The following NTF4 variants were observed in gnomAD, a reference collection of about 807,000 sequenced individuals.
The protein encoded by NTF4 is neurotrophin 4, also known as neurotrophin-4.
In NTF4, 2 loss-of-function variants were observed where a neutral mutation model predicts 4.4. The ratio of observed to expected loss-of-function variants is 0.46; its 90% confidence interval spans 0.19 to 1.44. The LOEUF (loss-of-function observed/expected upper bound fraction) is 1.44, where lower values mean the gene tolerates loss of function less well. NTF4 is among the 40% of genes most tolerant of loss of function. The probability of loss-of-function intolerance (pLI) is 0.26; values close to 1 mark genes in which losing one functional copy is unlikely to be tolerated. For missense variants in NTF4, 260 were observed against 293.0 expected (o/e 0.89, Z 0.82); for synonymous variants, 127 against 122.0 (o/e 1.04, Z -0.27).
downstream of NTF4, chr19:49,060,843 C>T (rs564936971): frequency 6.9e-5 from 12 of 174,030 alleles, no homozygotes; most frequent in East Asian, 1.9e-3. Context: ...AACCTTTGCC[C>T]CCTCTTACCA....
upstream of NTF4, among the ~76,000 whole-genome samples, chr19:49,063,584 C>G (rs2040179744): frequency 6.6e-6 from 1 of 152,176 alleles, no homozygotes; most frequent in Admixed American, 6.5e-5. Context: ...CCCTCTGAGG[C>G]AGGCTTCAGT....
rs1237365511 is a variant in NTF4 at position 49,061,103 on chromosome 19, T to A, written c.*262A>T. On this transcript the variant is annotated 3_prime_UTR_variant, in exon 1 of 1. Coordinates refer to ENST00000593537, the Ensembl canonical transcript of NTF4. The surrounding 1 kb of genome is among the most constrained non-coding windows in gnomAD (Gnocchi z 4.9). ...GATCTGAGGAGTTATGTATTAGGGA[T>A]AAGAAACAGTAAACACTCAGTAAAT... 1.7e-6 allele frequency: 1 copy of A among 582,120 alleles called. No homozygotes were observed. The highest frequency in any genetic ancestry group is 3.0e-6 in the Non-Finnish European group (1 of 336,484). The allele number at this position is 582,120 out of a possible 1,614,324, so 36.1% of individuals were successfully genotyped here.
rs1181892024 is a variant in NTF4, at chr19:49,061,172, T to A, written c.*193A>T. ...ATCATCATCATTATTACCCTCAAGT[T>A]GCTCCAGGAGAACTCCTATTCAACC... On this transcript the variant is annotated 3_prime_UTR_variant, in exon 1 of 1. Coordinates refer to ENST00000593537, the Ensembl canonical transcript of NTF4. This position sits in a 1 kb window ranked among gnomAD's most constrained non-coding sequence, Gnocchi z 4.9. 1.0e-6 allele frequency: 1 copy of A among 960,990 alleles called. No individual in the cohort carries two copies. Among genetic ancestry groups the A allele is most frequent in the African/African-American group, 1.6e-5 (1 of 60,624 alleles). The allele number at this position is 960,990 out of a possible 1,614,324, so 59.5% of individuals were successfully genotyped here. A position where few individuals can be genotyped will look rare whatever the true frequency, so the allele number is the denominator to read the frequency against.
Position 49,061,875 on chromosome 19 carries a change from A to C in NTF4, c.123T>G (p.Leu41=), listed in dbSNP as rs2122225493. The change falls in exon 1 of 1, where the codon CTT becomes CTG. Residue 41 remains leucine, a synonymous_variant. Coordinates refer to ENST00000593537, the Ensembl canonical transcript of NTF4. The surrounding 1 kb of genome is among the most constrained non-coding windows in gnomAD (Gnocchi z 4.9). Reference sequence around the variant, plus strand: ...TAGACAGGACTACTCGGGGGGAGAGAAGGTCCCACTCAGGGGCCAGAAAAG... The same window carrying C: ...TAGACAGGACTACTCGGGGGGAGAGCAGGTCCCACTCAGGGGCCAGAAAAG... 6.5e-7 allele frequency: 1 copy of C among 1,540,722 alleles called. No individual in the cohort carries two copies. Among genetic ancestry groups the C allele is most frequent in the South Asian group, 1.2e-5 (1 of 83,894 alleles).
At chr19:49,062,555 TG>T (rs891020755), upstream of NTF4, among the ~76,000 whole-genome samples, 10 of 152,068 alleles carry the variant, frequency 6.6e-5, no homozygotes, top group Non-Finnish European at 1.3e-4. Flanking sequence ...GAGGCCGAGA[TG>T]GGCGGCTCAC....
At position 49,061,955 on chromosome 19, in the gene NTF4, AAAG is replaced by A; in HGVS notation, c.40_42del (p.Leu14del). ...TCAATTGGCACACTGGGGAGGAGGA[AAAG>A]GAGGAGGATGGGGAGGGAGCATGAG... On this transcript the variant is annotated inframe_deletion, in exon 1 of 1. Coordinates refer to ENST00000593537, the Ensembl canonical transcript of NTF4. This position sits in a 1 kb window ranked among gnomAD's most constrained non-coding sequence, Gnocchi z 4.9. 9 of 1,504,636 alleles carry A rather than the reference AAAG, an allele frequency of 6.0e-6. No homozygotes were observed. Among genetic ancestry groups the A allele is most frequent in the Non-Finnish European group, 8.1e-6 (9 of 1,115,806 alleles). 93.2% of individuals were successfully genotyped at this position (1,504,636 alleles called of 1,614,324 possible).
chr19:49,058,320 C>T (rs1210407851), downstream of NTF4: 36 of 1,493,744 alleles, frequency 2.4e-5, no homozygotes, highest in Non-Finnish European at 3.1e-5. Context: ...GCTTTGCAGT[C>T]GGAGGTAGAG....
At chr19:49,063,559 G>A (rs543815302), upstream of NTF4, among the ~76,000 whole-genome samples, 3 of 152,228 alleles carry the variant, frequency 2.0e-5, no homozygotes, top group East Asian at 5.8e-4. Flanking sequence ...TGCCACTAAG[G>A]AGGTAAAACG....
upstream of NTF4, chr19:49,062,016 A>G: frequency 1.4e-6 from 2 of 1,446,144 alleles, no homozygotes; most frequent in South Asian, 3.0e-5. Flanking sequence ...GCACCTGGAG[A>G]CAGAAAGAGG....
upstream of NTF4, chr19:49,064,554 A>C (rs2040193416): frequency 7.7e-6 from 1 of 129,704 alleles, no homozygotes. Flanking sequence ...CCAGGCCCCC[A>C]GCACCCTTCT....
In NTF4 at chr19:49,061,423, C is replaced by G; in HGVS notation, c.575G>C (p.Trp192Ser). The change falls in exon 1 of 1, where the codon TGG becomes TCG. Residue 192 changes from tryptophan (W) to serine (S), a missense_variant. Coordinates refer to ENST00000593537, the Ensembl canonical transcript of NTF4. The surrounding 1 kb of genome is among the most constrained non-coding windows in gnomAD (Gnocchi z 4.9). Reference sequence around the variant, plus strand: ...GACGCAGGCAGTGTCAATTCGAATCCATCGCCAGCCCACACGGCCCTGGGC... The same window carrying G: ...GACGCAGGCAGTGTCAATTCGAATCGATCGCCAGCCCACACGGCCCTGGGC... The G allele has an allele frequency of 6.2e-7, 1 of 1,613,880 alleles. No individual in the cohort carries two copies. The highest frequency in any genetic ancestry group is 8.5e-7 in the Non-Finnish European group (1 of 1,180,012).
Position 49,061,921 on chromosome 19 carries a change from G to T in NTF4, c.77C>A (p.Pro26His). 1 of 1,526,036 alleles carries T rather than the reference G, an allele frequency of 6.6e-7. No individual in the cohort carries two copies. Among genetic ancestry groups the T allele is most frequent in the African/African-American group, 1.4e-5 (1 of 72,584 alleles). The allele number at this position is 1,526,036 out of a possible 1,614,324, so 94.5% of individuals were successfully genotyped here. A position where few individuals can be genotyped will look rare whatever the true frequency, so the allele number is the denominator to read the frequency against. Reference sequence around the variant, plus strand: ...AAAAGGGGGCAATGTTGAGGGTGGGGGTTGGGACTCAATTGGCACACTGGG... The same window carrying T: ...AAAAGGGGGCAATGTTGAGGGTGGGTGTTGGGACTCAATTGGCACACTGGG... Residue 26 changes from proline to histidine, a missense_variant, in exon 1 of 1, where the codon CCC (proline) becomes CAC (histidine). Pro to His is a moderately conservative substitution (Grantham distance 77). Coordinates refer to ENST00000593537, the Ensembl canonical transcript of NTF4. This position sits in a 1 kb window ranked among gnomAD's most constrained non-coding sequence, Gnocchi z 4.9.
downstream of NTF4, among the ~76,000 whole-genome samples, chr19:49,059,340 A>G (rs2040104629): frequency 6.6e-6 from 1 of 152,090 alleles, no homozygotes; most frequent in African/African-American, 2.4e-5. Flanking sequence ...AGAGAAAGGG[A>G]TCTAGAGAGA....
upstream of NTF4, among the ~76,000 whole-genome samples, chr19:49,063,084 G>T (rs1291989569): frequency 1.3e-5 from 2 of 151,798 alleles, no homozygotes; most frequent in Non-Finnish European, 2.9e-5. Flanking sequence ...CTGGCTCACT[G>T]CAATGTCTGC....
upstream of NTF4, chr19:49,064,418 T>A (rs1045738267): frequency 3.2e-5 from 5 of 156,438 alleles, no homozygotes; most frequent in Non-Finnish European, 7.0e-5. Flanking sequence ...ACCCAGGAGT[T>A]CAGATCCCCA....
downstream of NTF4, chr19:49,060,908 G>A (rs922726767): frequency 2.6e-5 from 5 of 189,856 alleles, no homozygotes; most frequent in Middle Eastern, 2.3e-3. Flanking sequence ...CCTTCTGTGG[G>A]CCACGTTCTC....
Position 49,061,278 on chromosome 19 carries a change from G to A in NTF4, c.*87C>T. ...AATTGTGATTTTGTGATTATTTGAT[G>A]AGTTCCCAAACTGGGGTCCTTAGAT... On this transcript the variant is annotated 3_prime_UTR_variant, in exon 1 of 1. Transcript: ENST00000593537. The surrounding 1 kb of genome is among the most constrained non-coding windows in gnomAD (Gnocchi z 4.9). 1 of 1,584,682 alleles carries A rather than the reference G, an allele frequency of 6.3e-7. No individual in the cohort carries two copies. Among genetic ancestry groups the A allele is most frequent in the Non-Finnish European group, 8.5e-7 (1 of 1,170,144 alleles).
Position 49,061,848 on chromosome 19 carries a change from C to G in NTF4, c.150G>C (p.Arg50Ser). 1 of 1,549,730 alleles carries G rather than the reference C, an allele frequency of 6.5e-7. No homozygotes were observed. The highest frequency in any genetic ancestry group is 8.7e-7 in the Non-Finnish European group (1 of 1,146,424). Reference sequence around the variant, plus strand: ...GCAGAGGGGGCCCAGCAGGGGCACCCCTAGACAGGACTACTCGGGGGGAGA... The same window carrying G: ...GCAGAGGGGGCCCAGCAGGGGCACCGCTAGACAGGACTACTCGGGGGGAGA... The change falls in exon 1 of 1, where the codon AGG (arginine) becomes AGC (serine). Residue 50 changes from arginine to serine, a missense_variant. Coordinates refer to ENST00000593537, the Ensembl canonical transcript of NTF4. This position sits in a 1 kb window ranked among gnomAD's most constrained non-coding sequence, Gnocchi z 4.9.
chr19:49,061,882 C>T lies in NTF4; in HGVS notation c.116G>A (p.Trp39Ter). 1 of 1,536,912 alleles carries T rather than the reference C, an allele frequency of 6.5e-7. No homozygotes were observed. Among genetic ancestry groups the T allele is most frequent in the Non-Finnish European group, 8.8e-7 (1 of 1,135,744 alleles). The change falls in exon 1 of 1, where the codon TGG (tryptophan) becomes TAG (stop). Residue 39 changes from tryptophan (W) to a stop codon, truncating the protein, a stop_gained. Coordinates refer to ENST00000593537, the Ensembl canonical transcript of NTF4. LOFTEE classifies it low-confidence loss of function (END_TRUNC). The surrounding 1 kb of genome is among the most constrained non-coding windows in gnomAD (Gnocchi z 4.9). Reference sequence around the variant, plus strand: ...GACTACTCGGGGGGAGAGAAGGTCCCACTCAGGGGCCAGAAAAGGGGGCAA... The same window carrying T: ...GACTACTCGGGGGGAGAGAAGGTCCTACTCAGGGGCCAGAAAAGGGGGCAA...
Sources: gnomAD v4.1 joint callset for allele counts (sites outside exome capture counted in the v4.1 genomes callset) on GRCh38, gnomAD v4.1.1 for gene constraint, Gnocchi (gnomAD v3.1) non-coding constraint, MANE v1.5 for transcripts, NCBI Gene and HGNC (gene_info 2026-07-23, HGNC 2026-07-21) for gene names.